RALGAPA1: variants seen among roughly 807,000 people sequenced by gnomAD.
RALGAPA1 encodes ral GTPase-activating protein subunit alpha-1.
A neutral mutation model predicts 269.6 loss-of-function variants in RALGAPA1; 52 were observed. That is an observed-to-expected ratio of 0.19 (90% CI 0.15 to 0.24). The LOEUF (loss-of-function observed/expected upper bound fraction) is 0.24. RALGAPA1 is among the 10% of genes least tolerant of loss of function. RALGAPA1 has a pLI of 1.00. For synonymous variants in RALGAPA1, 817 were observed against 1,008.3 expected (o/e 0.81, Z 3.60); for missense variants, 1,917 against 3,013.9 (o/e 0.64, Z 8.52).
At chr14:35,805,149 C>T (rs928306038) in intron 1 of RALGAPA1, among the ~76,000 whole-genome samples, 1 of 150,830 alleles carries the variant, frequency 6.6e-6, no homozygotes. Flanking sequence ...AAAGGCGGGG[C>T]GCCGTGGCTC....
At chr14:35,550,859 T>A (rs983166335) in intron 39 of RALGAPA1, among the ~76,000 whole-genome samples, 8 of 152,164 alleles carry the variant, frequency 5.3e-5, no homozygotes, top group African/African-American at 1.7e-4. Flanking sequence ...ATTAAAATGA[T>A]CAGCATCAAG....
chr14:35,694,725 T>C (rs2066763325), intron 17 of RALGAPA1, among the ~76,000 whole-genome samples: 1 of 152,210 alleles, frequency 6.6e-6, no homozygotes, highest in Admixed American at 6.5e-5. Flanking sequence ...CTTATGATTA[T>C]GCTATATAAT....
chr14:35,548,592 T>A, intron 40 of RALGAPA1, 54 bp from the exon 41 acceptor site: 1 of 1,237,856 alleles, frequency 8.1e-7, no homozygotes, highest in Non-Finnish European at 1.1e-6. Flanking sequence ...TATTACAGAA[T>A]AGGAAGGCCA....
At chr14:35,764,388 C>T (rs1347344714) in intron 4 of RALGAPA1, among the ~76,000 whole-genome samples, 6 of 151,470 alleles carry the variant, frequency 4.0e-5, no homozygotes, top group Non-Finnish European at 8.8e-5. Flanking sequence ...ACCTGGCCTT[C>T]TTTATATACA....
intron 21 of RALGAPA1, among the ~76,000 whole-genome samples, chr14:35,680,548 C>T (rs1379512629): frequency 6.6e-6 from 1 of 152,024 alleles, no homozygotes; most frequent in Admixed American, 6.6e-5. Context: ...TCAGCTATCA[C>T]AGAATCACCA....
intron 12 of RALGAPA1, among the ~76,000 whole-genome samples, chr14:35,729,286 GATT>G (rs1676711591): frequency 6.6e-6 from 1 of 151,888 alleles, no homozygotes; most frequent in Non-Finnish European, 1.5e-5. Context: ...GGAAAAAACT[GATT>G]ATCACTATGT....
In RALGAPA1 at chr14:35,756,804, T is replaced by A. The variant is rs370570306; in HGVS notation, c.652A>T (p.Ile218Leu). The part of the protein sequence containing the change: ...SYFLEALLKY[I>L]VIQVKSLEWK... ...AAGATAACAAGTACCTGAATGACTA[T>A]GTATTTTAGAAGTGCTTCAAGAAAA... Residue 218 changes from isoleucine to leucine, a missense_variant, in exon 7 of 42, where the codon ATA (isoleucine) becomes TTA (leucine). Transcript: ENST00000680220. 6.2e-7 allele frequency: 1 copy of A among 1,602,274 alleles called. No homozygotes were observed. The highest frequency in any genetic ancestry group is 2.2e-5 in the East Asian group (1 of 44,666).
chr14:35,612,877 G>C (rs2060043783), intron 35 of RALGAPA1, among the ~76,000 whole-genome samples: 1 of 151,590 alleles, frequency 6.6e-6, no homozygotes, highest in Non-Finnish European at 1.5e-5. Context: ...AAACACAAGT[G>C]ACAAAATAAA....
At chr14:35,557,595 T>C (rs2055753246) in intron 39 of RALGAPA1, among the ~76,000 whole-genome samples, 1 of 152,162 alleles carries the variant, frequency 6.6e-6, no homozygotes, top group South Asian at 2.1e-4. Context: ...AATCTATCCA[T>C]TAATCTTGAC....
At chr14:35,611,749 AG>A (rs1282516687) in intron 35 of RALGAPA1, among the ~76,000 whole-genome samples, 1 of 152,120 alleles carries the variant, frequency 6.6e-6, no homozygotes, top group African/African-American at 2.4e-5. Flanking sequence ...AAAAAGAAAA[AG>A]AGAAAACAGG....
intron 31 of RALGAPA1, among the ~76,000 whole-genome samples, chr14:35,642,504 AAAC>A (rs1163424430): frequency 6.6e-6 from 1 of 152,224 alleles, no homozygotes; most frequent in African/African-American, 2.4e-5. Flanking sequence ...GACTATATGA[AAAC>A]AAGTTCATAT....
chr14:35,771,670 C>T (rs2074634986), intron 3 of RALGAPA1, among the ~76,000 whole-genome samples: 1 of 151,464 alleles, frequency 6.6e-6, no homozygotes, highest in Admixed American at 6.6e-5. Flanking sequence ...TCTTTTTTTT[C>T]CCCCTTTAGA....
chr14:35,783,608 C>T (rs918109658), intron 1 of RALGAPA1, among the ~76,000 whole-genome samples: 2 of 152,056 alleles, frequency 1.3e-5, no homozygotes, highest in African/African-American at 4.8e-5. Context: ...CTTCAGAGGA[C>T]ACTATCAAGA....
intron 7 of RALGAPA1, 195 bp downstream of exon 7, chr14:35,756,598 C>A (rs1440109750): frequency 2.8e-6 from 1 of 355,228 alleles, no homozygotes; most frequent in African/African-American, 2.1e-5. Context: ...ACCACCATCA[C>A]TTGGTTGATT....
chr14:35,667,775 T>C (rs767809386), intron 26 of RALGAPA1, among the ~76,000 whole-genome samples: 4 of 152,148 alleles, frequency 2.6e-5, no homozygotes, highest in Non-Finnish European at 5.9e-5. Context: ...AAAATAGAAC[T>C]TCCATATGAT....
At chr14:35,755,230 G>A (rs2073066616) in intron 7 of RALGAPA1, among the ~76,000 whole-genome samples, 1 of 151,988 alleles carries the variant, frequency 6.6e-6, no homozygotes, top group Non-Finnish European at 1.5e-5. Flanking sequence ...TCAGTGGTCT[G>A]TAGTCCCAGC....
chr14:35,755,935 C>T (rs968452940), intron 7 of RALGAPA1, among the ~76,000 whole-genome samples: 23 of 152,248 alleles, frequency 1.5e-4, no homozygotes, highest in African/African-American at 5.3e-4. Flanking sequence ...AGGGTATGCA[C>T]ATTTTATATC....
intron 41 of RALGAPA1, chr14:35,542,175 G>T (rs1418374976): frequency 2.8e-6 from 1 of 360,254 alleles, no homozygotes. Flanking sequence ...GAGCTGCATT[G>T]TCCAATGTGG....
At chr14:35,637,848 A>G (rs896848495) in intron 31 of RALGAPA1, among the ~76,000 whole-genome samples, 7 of 152,220 alleles carry the variant, frequency 4.6e-5, no homozygotes, top group African/African-American at 9.6e-5. Context: ...CATACAATGG[A>G]GCTCCAATAC....
Sources: gnomAD v4.1 joint callset for allele counts (sites outside exome capture counted in the v4.1 genomes callset) on GRCh38, gnomAD v4.1.1 for gene constraint, MANE v1.5 for transcripts, NCBI Gene and HGNC (gene_info 2026-07-23, HGNC 2026-07-21) for gene names.